SORCS1: variants seen among roughly 807,000 people sequenced by gnomAD.
The protein encoded by SORCS1 is VPS10 domain-containing receptor SorCS1.
Under a neutral mutation model 146.1 loss-of-function variants are expected in SORCS1, and 60 were observed. The ratio of observed to expected loss-of-function variants is 0.41; its 90% CI spans 0.33 to 0.51. The LOEUF is 0.51. Among genes scored for constraint, SORCS1 ranks in the 20% least tolerant of loss-of-function variants. The pLI, the probability that SORCS1 is intolerant of heterozygous loss-of-function variation, is 0.21. For missense variants in SORCS1, 1,352 were observed against 1,487.6 expected, an observed-to-expected ratio of 0.91 and a Z score of 1.50; for synonymous variants, 637 against 584.0, an observed-to-expected ratio of 1.09 and a Z score of -1.31.
chr10:106,885,194 A>G (rs1172735196), intron 2 of SORCS1, among the ~76,000 whole-genome samples: 2 of 151,270 alleles, frequency 1.3e-5, no homozygotes, highest in East Asian at 3.9e-4. Flanking sequence ...ATAATCATAT[A>G]ATTTTTTCTT....
At chr10:106,662,242 G>A (rs1177142807) in intron 17 of SORCS1, among the ~76,000 whole-genome samples, 1 of 152,166 alleles carries the variant, frequency 6.6e-6, no homozygotes, top group Non-Finnish European at 1.5e-5. Flanking sequence ...AGGTAAACCT[G>A]AGAACACTGC....
intron 2 of SORCS1, among the ~76,000 whole-genome samples, chr10:106,951,614 G>A (rs961966944): frequency 1.3e-5 from 2 of 151,806 alleles, no homozygotes; most frequent in Non-Finnish European, 2.9e-5. Flanking sequence ...TCATTCCAAG[G>A]CATAAAGGAG....
intron 17 of SORCS1, among the ~76,000 whole-genome samples, chr10:106,653,353 G>C (rs1215466180): frequency 2.6e-5 from 4 of 152,190 alleles, no homozygotes; most frequent in Non-Finnish European, 5.9e-5. Context: ...CTTTATGTAT[G>C]TATATATTTG....
chr10:106,753,537 G>C (rs1292626650), intron 5 of SORCS1, among the ~76,000 whole-genome samples: 1 of 152,180 alleles, frequency 6.6e-6, no homozygotes, highest in Non-Finnish European at 1.5e-5. Context: ...ATCAGAGAGA[G>C]AGAGAGGCTA....
At chr10:106,749,636 G>C (rs1227992546) in intron 5 of SORCS1, among the ~76,000 whole-genome samples, 5 of 152,154 alleles carry the variant, frequency 3.3e-5, no homozygotes, top group African/African-American at 1.2e-4. Context: ...GGACAACAAA[G>C]AAGTAAAATA....
rs201223296 is a variant in SORCS1 at position 106,755,757 on chromosome 10, AGCCAG to A, written c.959+5826_959+5830del. Among the ~76,000 whole-genome samples, 236 of 152,216 alleles carry A rather than the reference AGCCAG, an allele frequency of 1.6e-3. 3 individuals carry two copies. The East Asian group carries it at 0.042, about 27-fold the overall frequency. ...AATTATCTTGTATGTCCTTGATCCA[AGCCAG>A]GCCTCTCAGATTCAATCCCTGGAAA... On this transcript the variant is annotated intron_variant, in intron 5 of 25. Coordinates refer to ENST00000263054, the MANE Select transcript of SORCS1 (RefSeq NM_052918.5).
intron 3 of SORCS1, among the ~76,000 whole-genome samples, chr10:106,814,653 A>G (rs822006): frequency 6.6e-6 from 1 of 152,054 alleles, no homozygotes; most frequent in Non-Finnish European, 1.5e-5. Flanking sequence ...AGTCGCTCAC[A>G]CCTGTAATCC....
intron 2 of SORCS1, among the ~76,000 whole-genome samples, chr10:106,838,346 C>T (rs558639605): frequency 1.3e-5 from 2 of 152,230 alleles, no homozygotes; most frequent in South Asian, 4.1e-4. Flanking sequence ...TCATATAGCC[C>T]ATCCCTACAC....
At chr10:106,929,016 G>C (rs1953247181) in intron 2 of SORCS1, among the ~76,000 whole-genome samples, 1 of 151,632 alleles carries the variant, frequency 6.6e-6, no homozygotes, top group Non-Finnish European at 1.5e-5. Context: ...TGCAATTAAA[G>C]CATGCTGATG....
intron 5 of SORCS1, among the ~76,000 whole-genome samples, chr10:106,736,802 C>A (rs117376446): frequency 6.6e-6 from 1 of 152,008 alleles, no homozygotes; most frequent in African/African-American, 2.4e-5. Context: ...CTCTGGCCCC[C>A]GACACTGTCA....
chr10:106,937,435 C>T (rs1953795016), intron 2 of SORCS1, among the ~76,000 whole-genome samples: 1 of 151,746 alleles, frequency 6.6e-6, no homozygotes, highest in Admixed American at 6.6e-5. Context: ...TTGTCGGCCT[C>T]CCAAAGTGCT....
intron 18 of SORCS1, among the ~76,000 whole-genome samples, chr10:106,648,462 T>A (rs771770681): frequency 3.3e-5 from 5 of 152,214 alleles, no homozygotes; most frequent in Non-Finnish European, 7.3e-5. Flanking sequence ...TTCTGATGTA[T>A]TTTAATGCTA....
chr10:106,876,868 A>G (rs559052555), intron 2 of SORCS1, among the ~76,000 whole-genome samples: 2 of 138,652 alleles, frequency 1.4e-5, no homozygotes, highest in South Asian at 4.2e-4. Flanking sequence ...CAACATGAAT[A>G]GCCACTTTAA....
At chr10:107,041,490 T>TA (rs1959151079) in intron 1 of SORCS1, among the ~76,000 whole-genome samples, 1 of 152,144 alleles carries the variant, frequency 6.6e-6, no homozygotes. Context: ...AAGCTAGGTC[T>TA]ATCAGCTTGA....
At chr10:106,583,583 T>C (rs1356941585) in intron 24 of SORCS1, among the ~76,000 whole-genome samples, 1 of 152,148 alleles carries the variant, frequency 6.6e-6, no homozygotes. Flanking sequence ...CTCGATTCAC[T>C]GCAATCTTCT....
At chr10:106,577,702 C>T (rs1018754028) in intron 25 of SORCS1, 147 bp from the exon 26 acceptor site, 134 of 1,421,394 alleles carry the variant, frequency 9.4e-5, no homozygotes, top group African/African-American at 5.2e-4. Flanking sequence ...TCATACCCTA[C>T]GGAAATGCGA....
intron 5 of SORCS1, among the ~76,000 whole-genome samples, chr10:106,760,217 G>A (rs183315791): frequency 1.2e-3 from 176 of 152,094 alleles, no homozygotes; most frequent in African/African-American, 3.5e-3. Flanking sequence ...GGCCGAGGTG[G>A]GGGGATCTTG....
chr10:107,176,697 G>A, the SORCS1 span, among the ~76,000 whole-genome samples: 1 of 152,136 alleles, frequency 6.6e-6, no homozygotes, highest in East Asian at 1.9e-4. Flanking sequence ...CAATCAGAAA[G>A]AATGTTGTAC....
intron 1 of SORCS1, among the ~76,000 whole-genome samples, chr10:107,085,182 C>CAGA (rs1396388777): frequency 1.3e-5 from 2 of 152,190 alleles, no homozygotes; most frequent in East Asian, 3.8e-4. Context: ...AGAGATGTCA[C>CAGA]TAAATATTTC....
Sources: gnomAD v4.1 joint callset for allele counts (sites outside exome capture counted in the v4.1 genomes callset) on GRCh38, gnomAD v4.1.1 for gene constraint, MANE v1.5 for transcripts, NCBI Gene and HGNC (gene_info 2026-07-23, HGNC 2026-07-21) for gene names.